The following TMEM108 variants were observed in gnomAD, a reference collection of about 807,000 sequenced individuals.
The protein encoded by TMEM108 is transmembrane protein 108, also known as cancer/testis antigen 124.
A neutral mutation model predicts 35.1 loss-of-function variants in TMEM108; 12 were observed. The ratio of observed to expected loss-of-function variants is 0.34; its 90% CI spans 0.22 to 0.55. The LOEUF is 0.55. TMEM108 is among the 20% of genes least tolerant of loss of function. The pLI is 0.89. For missense variants in TMEM108, 680 were observed against 753.3 expected (o/e 0.90, Z 1.14); for synonymous variants, 287 against 308.6 (o/e 0.93, Z 0.73).
intron 3 of TMEM108, among the ~76,000 whole-genome samples, chr3:133,272,723 G>T (rs539607722): frequency 2.0e-5 from 3 of 152,238 alleles, no homozygotes; most frequent in South Asian, 4.1e-4. Flanking sequence ...AGGTCATCTC[G>T]CTTACCTCCT....
At chr3:133,123,452 A>G (rs1944378053) in intron 2 of TMEM108, among the ~76,000 whole-genome samples, 1 of 152,258 alleles carries the variant, frequency 6.6e-6, no homozygotes, top group African/African-American at 2.4e-5. Flanking sequence ...TACTTCCATC[A>G]ACAGTGTAGA....
chr3:133,180,688 C>G (rs944590429), intron 2 of TMEM108, among the ~76,000 whole-genome samples: 1 of 152,098 alleles, frequency 6.6e-6, no homozygotes, highest in African/African-American at 2.4e-5. Flanking sequence ...AAAGATTTAA[C>G]TAGCTTTGTA....
chr3:133,263,520 A>C (rs901148796), intron 3 of TMEM108, among the ~76,000 whole-genome samples: 6 of 152,242 alleles, frequency 3.9e-5, no homozygotes, highest in Non-Finnish European at 7.3e-5. Flanking sequence ...CCTGTTGGAA[A>C]GGTGAAAAGA....
intron 3 of TMEM108, among the ~76,000 whole-genome samples, chr3:133,317,607 G>C (rs549107924): frequency 4.0e-4 from 60 of 151,738 alleles, no homozygotes; most frequent in African/African-American, 1.3e-3. Flanking sequence ...ATTAACAATA[G>C]TAATTGCTTG....
intron 2 of TMEM108, among the ~76,000 whole-genome samples, chr3:133,107,470 G>GTC (rs1464873533): frequency 7.0e-6 from 1 of 142,938 alleles, no homozygotes; most frequent in Non-Finnish European, 1.5e-5. Context: ...GTGTGTGTGT[G>GTC]TGTGTGTGTG....
chr3:133,232,548 C>A (rs1166874180), intron 3 of TMEM108, among the ~76,000 whole-genome samples: 1 of 152,174 alleles, frequency 6.6e-6, no homozygotes. Context: ...TCAGGTATTT[C>A]TTTATAGCAA....
intron 2 of TMEM108, among the ~76,000 whole-genome samples, chr3:133,089,592 C>T (rs1278264441): frequency 2.0e-5 from 3 of 152,104 alleles, no homozygotes; most frequent in African/African-American, 7.2e-5. Flanking sequence ...ACTGAAGAAA[C>T]AGTGAACTTG....
At chr3:133,344,567 A>C (rs1213917122) in intron 3 of TMEM108, among the ~76,000 whole-genome samples, 1 of 151,872 alleles carries the variant, frequency 6.6e-6, no homozygotes, top group Non-Finnish European at 1.5e-5. Flanking sequence ...AAAAAATCAA[A>C]AGATAACAAA....
intron 2 of TMEM108, among the ~76,000 whole-genome samples, chr3:133,115,087 T>C (rs1944270879): frequency 6.6e-6 from 1 of 152,154 alleles, no homozygotes; most frequent in African/African-American, 2.4e-5. Context: ...ATAATTAAAA[T>C]CTTGAATATT....
intron 2 of TMEM108, chr3:133,121,071 T>C (rs1243558327): frequency 6.6e-6 from 1 of 152,062 alleles, no homozygotes; most frequent in Non-Finnish European, 1.5e-5. Context: ...TGAAGGTGAG[T>C]CTCTGCTTTC....
At chr3:133,331,906 G>T (rs957739064) in intron 3 of TMEM108, among the ~76,000 whole-genome samples, 1 of 152,218 alleles carries the variant, frequency 6.6e-6, no homozygotes, top group Non-Finnish European at 1.5e-5. Context: ...TTTGGATCGT[G>T]ATCTGGTCTT....
chr3:133,212,451 GT>G (rs1259834631), intron 2 of TMEM108, among the ~76,000 whole-genome samples: 2 of 152,176 alleles, frequency 1.3e-5, no homozygotes, highest in Non-Finnish European at 2.9e-5. Context: ...CTGCCACAAA[GT>G]GACAGTTATT....
intron 3 of TMEM108, among the ~76,000 whole-genome samples, chr3:133,273,468 C>T (rs1946799944): frequency 1.3e-5 from 2 of 152,144 alleles, no homozygotes; most frequent in South Asian, 2.1e-4. Flanking sequence ...CCTCCCACAC[C>T]TTCCTTCCCT....
chr3:133,171,915 C>T (rs974356950), intron 2 of TMEM108, among the ~76,000 whole-genome samples: 4 of 152,178 alleles, frequency 2.6e-5, no homozygotes, highest in African/African-American at 9.7e-5. Context: ...CTCACAATTT[C>T]CTGCAAGAAT....
At chr3:133,352,472 C>T (rs758033922) in intron 3 of TMEM108, among the ~76,000 whole-genome samples, 35 of 152,176 alleles carry the variant, frequency 2.3e-4, no homozygotes, top group Non-Finnish European at 2.1e-4. Context: ...AAGTTAAGAG[C>T]TCAGCCCCAC....
At chr3:133,138,759 C>G (rs1944600152) in intron 2 of TMEM108, among the ~76,000 whole-genome samples, 1 of 151,912 alleles carries the variant, frequency 6.6e-6, no homozygotes, top group African/African-American at 2.4e-5. Context: ...TTGTACTAAC[C>G]TCTGTTGATT....
intron 2 of TMEM108, among the ~76,000 whole-genome samples, chr3:133,196,338 T>A (rs1002252026): frequency 2.0e-5 from 3 of 152,196 alleles, no homozygotes; most frequent in Admixed American, 1.3e-4. Flanking sequence ...ACGTAGCCTA[T>A]GAGCTTGGAG....
At chr3:133,094,046 G>C (rs1943980545) in intron 2 of TMEM108, among the ~76,000 whole-genome samples, 1 of 152,162 alleles carries the variant, frequency 6.6e-6, no homozygotes, top group Non-Finnish European at 1.5e-5. Flanking sequence ...TAGGTCAGCT[G>C]TTGTATAGAT....
intron 3 of TMEM108, among the ~76,000 whole-genome samples, chr3:133,241,489 C>A (rs764420681): frequency 6.6e-6 from 1 of 152,176 alleles, no homozygotes; most frequent in Non-Finnish European, 1.5e-5. Context: ...GCCTTTGTTC[C>A]GACTGTACCA....
Sources: allele counts gnomAD v4.1 joint callset (sites outside exome capture counted in the v4.1 genomes callset), GRCh38; gene constraint gnomAD v4.1.1; transcripts MANE v1.5; gene names NCBI Gene and HGNC (gene_info 2026-07-23, HGNC 2026-07-21).